RBFOX3: variants seen among roughly 807,000 people sequenced by gnomAD.
RBFOX3 encodes the protein RNA binding protein fox-1 homolog 3.
A neutral mutation model predicts 48.7 loss-of-function variants in RBFOX3; 17 were observed. That is an observed-to-expected ratio of 0.35 (90% CI 0.24 to 0.52). The LOEUF (loss-of-function observed/expected upper bound fraction) is 0.52. Ranked by LOEUF, RBFOX3 falls within the 20% of genes least tolerant of loss-of-function variation. RBFOX3 has a pLI of 0.94. For synonymous variants in RBFOX3, 212 were observed against 209.5 expected (o/e 1.01, Z -0.10); for missense variants, 382 against 497.5 (o/e 0.77, Z 2.21).
the RBFOX3 span, among the ~76,000 whole-genome samples, chr17:79,620,352 C>T: frequency 2.0e-5 from 3 of 150,426 alleles, no homozygotes; most frequent in East Asian, 2.0e-4. Flanking sequence ...TGCACACACA[C>T]GGACATGGAC....
At chr17:79,219,358 C>T (rs1027728205) in intron 4 of RBFOX3, among the ~76,000 whole-genome samples, 8 of 152,218 alleles carry the variant, frequency 5.3e-5, no homozygotes, top group East Asian at 1.9e-4. Context: ...GCTGATGATC[C>T]GGGGATATGC....
chr17:79,302,960 T>C (rs11077424), intron 3 of RBFOX3, among the ~76,000 whole-genome samples: 77,633 of 151,988 alleles, frequency 0.51, 20,079 homozygotes, highest in East Asian at 0.71. Context: ...TCCCAGCACT[T>C]TGGGTATGTA....
intron 2 of RBFOX3, among the ~76,000 whole-genome samples, chr17:79,319,965 T>C (rs1426376410): frequency 2.1e-4 from 30 of 141,280 alleles, no homozygotes; most frequent in African/African-American, 6.8e-4. Context: ...GCTGGTCTTG[T>C]CCGGGCTGCT....
chr17:79,346,291 G>A (rs778204342), intron 2 of RBFOX3, among the ~76,000 whole-genome samples: 3 of 152,154 alleles, frequency 2.0e-5, no homozygotes, highest in Non-Finnish European at 4.4e-5. Flanking sequence ...ATGGTGTGAG[G>A]TAGAGATCTA....
chr17:79,436,055 A>C (rs1251761477), intron 2 of RBFOX3, among the ~76,000 whole-genome samples: 1 of 152,204 alleles, frequency 6.6e-6, no homozygotes, highest in Admixed American at 6.5e-5. Flanking sequence ...GAAAGAGCAG[A>C]GGGAGCCTCA....
At chr17:79,276,599 C>T (rs1297250368) in intron 3 of RBFOX3, among the ~76,000 whole-genome samples, 1 of 152,054 alleles carries the variant, frequency 6.6e-6, no homozygotes, top group Non-Finnish European at 1.5e-5. Context: ...GCAGGAGAAT[C>T]GCTTGAACCC....
intron 1 of RBFOX3, among the ~76,000 whole-genome samples, chr17:79,549,672 G>C (rs1165315484): frequency 6.6e-6 from 1 of 152,210 alleles, no homozygotes; most frequent in Non-Finnish European, 1.5e-5. Flanking sequence ...TGGGGAAGGA[G>C]ACAAAGGAAG....
intron 3 of RBFOX3, among the ~76,000 whole-genome samples, chr17:79,296,292 A>G (rs1211326205): frequency 7.5e-6 from 1 of 134,026 alleles, no homozygotes; most frequent in Admixed American, 7.6e-5. Context: ...ACAAACAGAC[A>G]CACACACACA....
intron 2 of RBFOX3, among the ~76,000 whole-genome samples, chr17:79,319,980 T>C (rs372313697): frequency 2.2e-4 from 33 of 147,922 alleles, no homozygotes; most frequent in African/African-American, 7.1e-4. Flanking sequence ...GCTGCTGGTC[T>C]TGCCTGGGCT....
chr17:79,264,057 C>A (rs1341419027), intron 3 of RBFOX3, among the ~76,000 whole-genome samples: 3 of 151,536 alleles, frequency 2.0e-5, no homozygotes, highest in Admixed American at 2.0e-4. Context: ...AAGGACCCTT[C>A]CCTAGAGCTT....
rs1345508082 is a variant in RBFOX3 at position 79,378,625 on chromosome 17, G to T, written c.-174-70801C>A. ...CCCAGGTGCTGGGGCTGTGTGGGGGGCCCGGAAAAAGAAACCTCCTCTCGC... is the reference window on the plus strand; with the variant it reads ...CCCAGGTGCTGGGGCTGTGTGGGGGTCCCGGAAAAAGAAACCTCCTCTCGC... On this transcript the variant is annotated intron_variant, in intron 2 of 14. Transcript: ENST00000693108. 2.0e-5 allele frequency among the ~76,000 whole-genome samples: 3 copies of T among 152,094 alleles called. No homozygotes were observed. In the East Asian group the frequency reaches 5.8e-4, roughly 29 times the overall value.
intron 2 of RBFOX3, among the ~76,000 whole-genome samples, chr17:79,356,397 C>G (rs1424187390): frequency 1.8e-5 from 1 of 56,400 alleles, no homozygotes; most frequent in Non-Finnish European, 3.6e-5. Context: ...GAGGAGGAGT[C>G]TCACTCTGTC....
At chr17:79,581,902 T>C (rs1413052774) in intron 1 of RBFOX3, among the ~76,000 whole-genome samples, 2 of 152,240 alleles carry the variant, frequency 1.3e-5, no homozygotes, top group Non-Finnish European at 2.9e-5. Context: ...GTTGCCCCTC[T>C]GCTAAAGCTC....
chr17:79,126,912 G>A (rs1164288844), intron 4 of RBFOX3, among the ~76,000 whole-genome samples: 2 of 152,152 alleles, frequency 1.3e-5, no homozygotes, highest in Non-Finnish European at 2.9e-5. Context: ...CCCGGCACCG[G>A]GCTTTGCAGG....
chr17:79,388,739 G>T (rs375137123), intron 2 of RBFOX3, among the ~76,000 whole-genome samples: 2 of 151,700 alleles, frequency 1.3e-5, no homozygotes, highest in African/African-American at 4.9e-5. Context: ...CTCAGCAGCC[G>T]CCTCCAGCCA....
intron 1 of RBFOX3, among the ~76,000 whole-genome samples, chr17:79,603,256 G>T (rs2093749898): frequency 6.6e-6 from 1 of 152,176 alleles, no homozygotes; most frequent in Non-Finnish European, 1.5e-5. Flanking sequence ...CTCCCAAAGT[G>T]CTGGGATTAC....
Position 79,311,867 on chromosome 17 carries a change from C to T in RBFOX3, c.-174-4043G>A, listed in dbSNP as rs147203795. ...CTTGGGGGCAAGGACAGCATTCTCA[C>T]GAACCTGGAACAAACCGGCCCTCCT... On this transcript the variant is annotated intron_variant, in intron 2 of 14. Transcript: ENST00000693108. The surrounding 1 kb of genome is among the most constrained non-coding windows in gnomAD (Gnocchi z 4.2). 5.1e-4 allele frequency among the ~76,000 whole-genome samples: 77 copies of T among 152,224 alleles called. No individual in the cohort carries two copies. Among genetic ancestry groups the T allele is most frequent in the African/African-American group, 1.8e-3 (75 of 41,532 alleles).
chr17:79,162,769 C>T (rs555834940), intron 4 of RBFOX3, among the ~76,000 whole-genome samples: 6 of 151,974 alleles, frequency 3.9e-5, no homozygotes, highest in African/African-American at 1.5e-4. Flanking sequence ...GGGTCTCCCG[C>T]GGCAGGTGAA....
intron 2 of RBFOX3, among the ~76,000 whole-genome samples, chr17:79,468,989 T>C (rs891899179): frequency 7.0e-6 from 1 of 143,458 alleles, no homozygotes; most frequent in Non-Finnish European, 1.6e-5. Context: ...GATGGATGGA[T>C]AGCAGATAGG....
Sources: gnomAD v4.1 joint callset for allele counts (sites outside exome capture counted in the v4.1 genomes callset) on GRCh38, gnomAD v4.1.1 for gene constraint, Gnocchi (gnomAD v3.1) non-coding constraint, MANE v1.5 for transcripts, NCBI Gene and HGNC (gene_info 2026-07-23, HGNC 2026-07-21) for gene names.